Variants in GRID2 observed in about 807,000 individuals in gnomAD.
GRID2 encodes the protein glutamate receptor ionotropic, delta-2.
Under a neutral mutation model 114.8 loss-of-function variants are expected in GRID2, and 33 were observed. That is an observed-to-expected ratio of 0.29 (90% CI 0.22 to 0.38). The LOEUF (loss-of-function observed/expected upper bound fraction) is 0.38, where lower values mean the gene tolerates loss of function less well. Ranked by LOEUF, GRID2 falls within the 10% of genes least tolerant of loss-of-function variation. The pLI is 1.00. For missense variants in GRID2, 1,184 were observed against 1,257.7 expected, an observed-to-expected ratio of 0.94 and a Z score of 0.89; for synonymous variants, 505 against 449.9, an observed-to-expected ratio of 1.12 and a Z score of -1.55.
At chr4:92,931,646 C>A (rs916326854) in intron 2 of GRID2, among the ~76,000 whole-genome samples, 2 of 148,354 alleles carry the variant, frequency 1.3e-5, no homozygotes, top group Non-Finnish European at 3.0e-5. Flanking sequence ...ACACACACAG[C>A]ATTCGGAATA....
At chr4:92,823,732 T>G (rs1741463791) in intron 2 of GRID2, among the ~76,000 whole-genome samples, 1 of 152,180 alleles carries the variant, frequency 6.6e-6, no homozygotes, top group Non-Finnish European at 1.5e-5. Context: ...GAGGTGCTAA[T>G]CTGATAAACT....
In GRID2 at chr4:92,946,987, G is replaced by C. The variant is rs146515703; in HGVS notation, c.245-138008G>C. ...ATGTCCTTACTCTGAAAGATGGAAA[G>C]ATTTATAGAAAGTCCAAACAAGTCA... On this transcript the variant is annotated intron_variant, in intron 2 of 15. Transcript: ENST00000282020. Among the ~76,000 whole-genome samples, 772 of 152,184 alleles carry C rather than the reference G, an allele frequency of 5.1e-3. 9 individuals carry two copies. Among genetic ancestry groups the C allele is most frequent in the African/African-American group, 0.018 (746 of 41,566 alleles).
At chr4:93,154,376 T>C (rs1736986394) in intron 4 of GRID2, among the ~76,000 whole-genome samples, 1 of 152,008 alleles carries the variant, frequency 6.6e-6, no homozygotes, top group African/African-American at 2.4e-5. Flanking sequence ...AAAAGAACAG[T>C]GTTTGGTGTA....
chr4:92,441,346 G>A (rs1306327771), intron 1 of GRID2, among the ~76,000 whole-genome samples: 2 of 152,136 alleles, frequency 1.3e-5, no homozygotes, highest in Non-Finnish European at 2.9e-5. Context: ...CAGCAGTACA[G>A]CCTAGGTAAT....
chr4:93,676,797 C>T (rs114654737), intron 14 of GRID2, among the ~76,000 whole-genome samples: 4,520 of 150,756 alleles, frequency 0.03, 104 homozygotes, highest in African/African-American at 0.06. Context: ...TGAGAGTTTC[C>T]GCAAGATGGC....
At chr4:93,076,053 G>A (rs914673893) in intron 2 of GRID2, among the ~76,000 whole-genome samples, 5 of 151,582 alleles carry the variant, frequency 3.3e-5, no homozygotes, top group Admixed American at 6.6e-5. Flanking sequence ...ACAGGCACCC[G>A]CCACCACGCC....
chr4:92,713,382 C>G (rs1172361318), intron 2 of GRID2, among the ~76,000 whole-genome samples: 1 of 148,724 alleles, frequency 6.7e-6, no homozygotes, highest in Non-Finnish European at 1.5e-5. Context: ...CTTTTTTAGA[C>G]TTGTTCTCTC....
chr4:93,592,311 T>C (rs1377296338), intron 13 of GRID2, among the ~76,000 whole-genome samples: 3 of 152,242 alleles, frequency 2.0e-5, no homozygotes, highest in Non-Finnish European at 4.4e-5. Context: ...CATTTCGTTA[T>C]GTACCCAGTA....
intron 2 of GRID2, among the ~76,000 whole-genome samples, chr4:92,854,531 A>T (rs1744046165): frequency 6.6e-6 from 1 of 151,186 alleles, no homozygotes; most frequent in Non-Finnish European, 1.5e-5. Context: ...AGAAGTTGTG[A>T]TGTGTGTTTG....
chr4:93,020,522 A>G (rs1435326583), intron 2 of GRID2, among the ~76,000 whole-genome samples: 4 of 152,172 alleles, frequency 2.6e-5, no homozygotes, highest in Non-Finnish European at 4.4e-5. Context: ...AAAAAAACAT[A>G]GTTTTGCATA....
intron 4 of GRID2, among the ~76,000 whole-genome samples, chr4:93,140,162 T>TTC (rs1735635358): frequency 7.1e-6 from 1 of 141,132 alleles, no homozygotes; most frequent in Non-Finnish European, 1.5e-5. Context: ...TTTCTTTTCT[T>TTC]TTTTTTTTTT....
chr4:93,013,848 GA>G (rs1483976314), intron 2 of GRID2, among the ~76,000 whole-genome samples: 1 of 151,762 alleles, frequency 6.6e-6, no homozygotes, highest in Non-Finnish European at 1.5e-5. Context: ...AACATTATTT[GA>G]GGGGCAATTA....
At chr4:93,588,009 T>C (rs890117266) in intron 13 of GRID2, among the ~76,000 whole-genome samples, 1 of 152,162 alleles carries the variant, frequency 6.6e-6, no homozygotes, top group African/African-American at 2.4e-5. Flanking sequence ...TTGCTGTTAC[T>C]TTATGGTTAG....
chr4:93,109,366 T>C (rs1416967011), intron 3 of GRID2, among the ~76,000 whole-genome samples: 1 of 152,220 alleles, frequency 6.6e-6, no homozygotes, highest in African/African-American at 2.4e-5. Context: ...ACATATAATA[T>C]TTACAACTAT....
rs569748785 is a variant in GRID2 at position 93,278,355 on chromosome 4, A to T, written c.1245+39865A>T. Among the ~76,000 whole-genome samples the T allele has an allele frequency of 5.3e-5, 8 of 152,062 alleles. No homozygotes were observed. The South Asian group carries it at 1.7e-3, about 31-fold the overall frequency. ...TCAGAAATGTGAGACTGGCGCTTGA[A>T]GGCAAAGACTGAAGTAGTGGTATGG... On this transcript the variant is annotated intron_variant, in intron 8 of 15. Transcript: ENST00000282020.
chr4:93,570,060 A>G (rs1340903404), intron 13 of GRID2, among the ~76,000 whole-genome samples: 2 of 152,166 alleles, frequency 1.3e-5, no homozygotes, highest in African/African-American at 4.8e-5. Flanking sequence ...ATGTATCATC[A>G]ATGTCTATAG....
rs1728576306 is a variant in GRID2, at chr4:92,360,741, A to G, written c.88+55997A>G. Among the ~76,000 whole-genome samples, 5 of 152,032 alleles carry G rather than the reference A, an allele frequency of 3.3e-5. No individual in the cohort carries two copies. The South Asian group carries it at 1.0e-3, about 32-fold the overall frequency. On this transcript the variant is annotated intron_variant, in intron 1 of 15. Coordinates refer to ENST00000282020, the MANE Select transcript of GRID2 (RefSeq NM_001510.4). ...TGGGGCAGAAGAAGCAGAGGTATGG[A>G]AGACCATATTGAGTCTAGGGAATCA... is the stretch of plus-strand genomic sequence containing the variant.
At chr4:93,786,499 G>A (rs549595729) in intron 1 of GRID2, among the ~76,000 whole-genome samples, 1 of 152,278 alleles carries the variant, frequency 6.6e-6, no homozygotes, top group Non-Finnish European at 1.5e-5. Flanking sequence ...GAGATCCAGG[G>A]TACAATTCCT....
At chr4:93,431,332 A>T (rs551265874) in intron 10 of GRID2, among the ~76,000 whole-genome samples, 4 of 152,322 alleles carry the variant, frequency 2.6e-5, no homozygotes, top group Non-Finnish European at 5.9e-5. Context: ...TCAGATTGCC[A>T]AAAAGAACAC....
Sources: allele counts gnomAD v4.1 joint callset (sites outside exome capture counted in the v4.1 genomes callset), GRCh38; gene constraint gnomAD v4.1.1; transcripts MANE v1.5; gene names NCBI Gene and HGNC (gene_info 2026-07-23, HGNC 2026-07-21).